The following EYS variants were observed in gnomAD, a reference collection of about 807,000 sequenced individuals.
EYS encodes the protein EGF-like photoreceptor maintenance factor.
A neutral mutation model predicts 282.1 loss-of-function variants in EYS; 250 were observed. The ratio of observed to expected loss-of-function variants is 0.89; its 90% CI spans 0.80 to 0.98. The LOEUF (loss-of-function observed/expected upper bound fraction) is 0.98. EYS is among the 50% of genes least tolerant of loss of function. EYS has a pLI of 0.00. For missense variants in EYS, 4,016 were observed against 3,709.0 expected (o/e 1.08, Z -2.15); for synonymous variants, 1,355 against 1,282.9 (o/e 1.06, Z -1.20).
intron 36 of EYS, among the ~76,000 whole-genome samples, chr6:63,819,360 T>G (rs1771263304): frequency 6.6e-6 from 1 of 152,170 alleles, no homozygotes; most frequent in Admixed American, 6.5e-5. Flanking sequence ...CTTTACCCTT[T>G]TGGGTGCCAA....
chr6:64,745,616 C>T (rs745853515), intron 22 of EYS, among the ~76,000 whole-genome samples: 17 of 152,006 alleles, frequency 1.1e-4, no homozygotes, highest in Middle Eastern at 3.4e-3. Context: ...AAAAATGGTA[C>T]CACTATGTAT....
At chr6:64,583,650 C>G (rs547596594) in intron 26 of EYS, among the ~76,000 whole-genome samples, 1 of 152,106 alleles carries the variant, frequency 6.6e-6, no homozygotes, top group Admixed American at 6.6e-5. Flanking sequence ...ACAAAATTAG[C>G]CAGGCGTGGT....
At chr6:64,749,743 C>A (rs1222715602) in intron 22 of EYS, among the ~76,000 whole-genome samples, 1 of 152,100 alleles carries the variant, frequency 6.6e-6, no homozygotes, top group Admixed American at 6.5e-5. Context: ...AAACTATGAA[C>A]AGGAATCGAT....
chr6:64,701,984 TTAAAA>T (rs1770808489), intron 22 of EYS, among the ~76,000 whole-genome samples: 2 of 152,032 alleles, frequency 1.3e-5, no homozygotes, highest in South Asian at 4.1e-4. Context: ...GTGTTAACTA[TTAAAA>T]TAAAATGCAG....
At chr6:64,690,269 C>T (rs537129811) in intron 22 of EYS, among the ~76,000 whole-genome samples, 5 of 152,108 alleles carry the variant, frequency 3.3e-5, no homozygotes, top group African/African-American at 4.8e-5. Flanking sequence ...AAATCAAAAC[C>T]ACGACGAGAT....
At position 65,005,587 on chromosome 6, in the gene EYS, T is replaced by C. The variant is rs542106766; in HGVS notation, c.2138-7884A>G. On this transcript the variant is annotated intron_variant, in intron 13 of 42. Coordinates refer to ENST00000503581, the MANE Select transcript of EYS (RefSeq NM_001142800.2). Reference sequence around the variant, plus strand: ...ATCCTTCCTTAGAACTGGAGGAAAATACCGGGCACCTGTCCGCCAGTTAAA... The same window carrying C: ...ATCCTTCCTTAGAACTGGAGGAAAACACCGGGCACCTGTCCGCCAGTTAAA... Among the ~76,000 whole-genome samples, 5 of 147,544 alleles carry C rather than the reference T, an allele frequency of 3.4e-5. 1 individual carries two copies. The highest frequency in any genetic ancestry group is 2.2e-4 in the South Asian group (1 of 4,570).
chr6:65,256,470 C>G (rs1393236759), intron 12 of EYS, among the ~76,000 whole-genome samples: 3 of 129,740 alleles, frequency 2.3e-5, no homozygotes, highest in Non-Finnish European at 4.8e-5. Flanking sequence ...CTTCCTGTGT[C>G]CATGCGATCT....
At chr6:64,030,523 A>C (rs1769771121) in intron 33 of EYS, among the ~76,000 whole-genome samples, 1 of 152,210 alleles carries the variant, frequency 6.6e-6, no homozygotes, top group Non-Finnish European at 1.5e-5. Context: ...GCACCTTCTT[A>C]GGGAAAGAGT....
chr6:64,634,710 CA>C (rs1767912497), intron 22 of EYS, among the ~76,000 whole-genome samples: 1 of 152,048 alleles, frequency 6.6e-6, no homozygotes, highest in Non-Finnish European at 1.5e-5. Flanking sequence ...TTTCATATGT[CA>C]AAAAACATCT....
At chr6:64,874,245 G>C (rs2150056014) in intron 19 of EYS, among the ~76,000 whole-genome samples, 1 of 152,154 alleles carries the variant, frequency 6.6e-6, no homozygotes, top group South Asian at 2.1e-4. Flanking sequence ...CATTTTACAT[G>C]GTTGTTAAGA....
chr6:64,636,601 A>G (rs1367505046), intron 22 of EYS, among the ~76,000 whole-genome samples: 1 of 152,132 alleles, frequency 6.6e-6, no homozygotes, highest in African/African-American at 2.4e-5. Flanking sequence ...GGATCTCATT[A>G]AACTAAAGAG....
rs148198890 is a variant in EYS at position 65,166,272 on chromosome 6, G to A, written c.2024-108545C>T. ...GCAGCTATGACAGAGTCACAAAATCGTCCAAATAATCTTGAAATAGATGAT... is the reference window on the plus strand; with the variant it reads ...GCAGCTATGACAGAGTCACAAAATCATCCAAATAATCTTGAAATAGATGAT... On this transcript the variant is annotated intron_variant, in intron 12 of 42. Coordinates refer to ENST00000503581, the MANE Select transcript of EYS (RefSeq NM_001142800.2). Among the ~76,000 whole-genome samples, 628 of 151,076 alleles carry A rather than the reference G, an allele frequency of 4.2e-3. 5 individuals carry two copies. Among genetic ancestry groups the A allele is most frequent in the African/African-American group, 0.014 (599 of 41,374 alleles).
At chr6:63,785,130 G>C (rs1294984379) in intron 39 of EYS, among the ~76,000 whole-genome samples, 2 of 152,170 alleles carry the variant, frequency 1.3e-5, no homozygotes, top group Non-Finnish European at 2.9e-5. Context: ...AAGTATTAGA[G>C]GGACTGGTAG....
At chr6:63,776,876 G>A (rs576917941) in intron 40 of EYS, among the ~76,000 whole-genome samples, 1 of 152,250 alleles carries the variant, frequency 6.6e-6, no homozygotes, top group East Asian at 1.9e-4. Context: ...AGTAACCCCT[G>A]AAGAATGACT....
chr6:63,870,233 T>TA (rs1772768247), intron 35 of EYS, among the ~76,000 whole-genome samples: 1 of 152,232 alleles, frequency 6.6e-6, no homozygotes, highest in Non-Finnish European at 1.5e-5. Flanking sequence ...TTAAAATATT[T>TA]AAGCCAGCAA....
At chr6:64,854,035 C>A (rs1223503699) in intron 19 of EYS, among the ~76,000 whole-genome samples, 1 of 151,932 alleles carries the variant, frequency 6.6e-6, no homozygotes, top group South Asian at 2.1e-4. Context: ...AAATGCAAAT[C>A]AAAACCACAG....
intron 13 of EYS, among the ~76,000 whole-genome samples, chr6:65,036,101 C>G (rs1772761252): frequency 6.6e-6 from 1 of 151,542 alleles, no homozygotes; most frequent in East Asian, 1.9e-4. Context: ...CTACATTAAC[C>G]AAAACAGCAG....
intron 35 of EYS, among the ~76,000 whole-genome samples, chr6:63,887,689 ACGT>A (rs1305897041): frequency 6.6e-6 from 1 of 152,174 alleles, no homozygotes; most frequent in African/African-American, 2.4e-5. Context: ...TCGGGTGCCC[ACGT>A]CACCAGGGCC....
At chr6:65,078,058 T>C (rs1386621464) in intron 12 of EYS, among the ~76,000 whole-genome samples, 1 of 152,118 alleles carries the variant, frequency 6.6e-6, no homozygotes, top group Non-Finnish European at 1.5e-5. Flanking sequence ...AGTAGCATTA[T>C]TGAACCATAA....
Sources: allele counts gnomAD v4.1 joint callset (sites outside exome capture counted in the v4.1 genomes callset), GRCh38; gene constraint gnomAD v4.1.1; transcripts MANE v1.5; gene names NCBI Gene and HGNC (gene_info 2026-07-23, HGNC 2026-07-21).